CNDP1: variants seen among roughly 807,000 people sequenced by gnomAD.
CNDP1 encodes the protein beta-Ala-His dipeptidase.
Under a neutral mutation model 58.1 loss-of-function variants are expected in CNDP1, and 44 were observed. The observed-to-expected ratio is 0.76, with a 90% CI of 0.60 to 0.97. The LOEUF (loss-of-function observed/expected upper bound fraction) is 0.97, where lower values mean the gene tolerates loss of function less well. CNDP1 is among the 50% of genes least tolerant of loss of function. The pLI, the probability that CNDP1 is intolerant of heterozygous loss-of-function variation, is 0.00. For synonymous variants in CNDP1, 254 were observed against 252.6 expected (o/e 1.01, Z -0.05); for missense variants, 616 against 655.1 (o/e 0.94, Z 0.65).
At chr18:74,552,778 C>CT (rs1253055425) in intron 1 of CNDP1, among the ~76,000 whole-genome samples, 1 of 152,208 alleles carries the variant, frequency 6.6e-6, no homozygotes, top group Non-Finnish European at 1.5e-5. Flanking sequence ...TATGTTTTCA[C>CT]TTGTCTTGGA....
intron 7 of CNDP1, chr18:74,576,656 G>A: frequency 4.4e-6 from 2 of 452,140 alleles, no homozygotes; most frequent in Non-Finnish European, 3.9e-6. Flanking sequence ...CACTAAAGCA[G>A]GGCGGACTCC....
At position 74,580,181 on chromosome 18, in the gene CNDP1, A is replaced by T; in HGVS notation, c.1219A>T (p.Met407Leu). Residue 407 changes from methionine (M) to leucine (L), a missense_variant, in exon 10 of 12, where the codon ATG (methionine) becomes TTG (leucine). Physicochemically the swap from Met to Leu is conservative, Grantham distance 15. Coordinates refer to ENST00000358821, the MANE Select transcript of CNDP1 (RefSeq NM_032649.6). Reference sequence around the variant, plus strand: ...CTCCAAAAGAAATAGTTCCAACAAGATGGTTGTTTCCATGACTCTAGGACT... The same window carrying T: ...CTCCAAAAGAAATAGTTCCAACAAGTTGGTTGTTTCCATGACTCTAGGACT... ...VFSKRNSSNK[M>L]VVSMTLGLHP... is the part of the protein sequence containing the mutation. 1 of 1,614,048 alleles carries T rather than the reference A, an allele frequency of 6.2e-7. No individual in the cohort carries two copies. Among genetic ancestry groups the T allele is most frequent in the Non-Finnish European group, 8.5e-7 (1 of 1,179,898 alleles).
chr18:74,564,024 CAT>C (rs542167594), intron 5 of CNDP1, among the ~76,000 whole-genome samples: 95 of 152,340 alleles, frequency 6.2e-4, no homozygotes, highest in African/African-American at 2.0e-3. Context: ...CAAGGGATAA[CAT>C]AGGAACAAAT....
At chr18:74,569,706 T>C (rs1981422407) in intron 6 of CNDP1, among the ~76,000 whole-genome samples, 2 of 152,270 alleles carry the variant, frequency 1.3e-5, no homozygotes, top group South Asian at 4.1e-4. Context: ...ATGGGCTCCA[T>C]GGAGTTCCCA....
intron 5 of CNDP1, among the ~76,000 whole-genome samples, chr18:74,563,353 T>C (rs1031071724): frequency 6.6e-6 from 1 of 152,168 alleles, no homozygotes; most frequent in Non-Finnish European, 1.5e-5. Flanking sequence ...TCTCCCTCTC[T>C]CCTTTCTTTC....
intron 5 of CNDP1, among the ~76,000 whole-genome samples, chr18:74,566,988 G>A (rs1981344169): frequency 6.6e-6 from 1 of 152,228 alleles, no homozygotes; most frequent in Non-Finnish European, 1.5e-5. Flanking sequence ...CTTCTTAGGT[G>A]GTGGCAGCAA....
Position 74,547,362 on chromosome 18 carries a change from G to C in CNDP1, c.25-8976G>C, listed in dbSNP as rs117947183. Among the ~76,000 whole-genome samples, 1,262 of 152,306 alleles carry C rather than the reference G, an allele frequency of 8.3e-3. 12 individuals are homozygous for C. The highest frequency in any genetic ancestry group is 0.014 in the Non-Finnish European group (947 of 68,018). ...CCCTGAACAAGGGTCTGGCTGATTG[G>C]CCATTGTATGGACACCAAGGACCCA... On this transcript the variant is annotated intron_variant, in intron 1 of 11. Coordinates refer to ENST00000358821, the MANE Select transcript of CNDP1 (RefSeq NM_032649.6).
At position 74,584,236 on chromosome 18, in the gene CNDP1, TC is replaced by T. The variant is rs1981858917; in HGVS notation, c.1458-258del. ...AACAAGAAATTGTTTGACCCTGATATCCATATCAGTGATAAGAAATCAAGGA... is the reference window on the plus strand; with the variant it reads ...AACAAGAAATTGTTTGACCCTGATATCATATCAGTGATAAGAAATCAAGGA... On this transcript the variant is annotated intron_variant, in intron 11 of 11. Transcript: ENST00000358821. 1.5e-5 allele frequency: 7 copies of T among 477,426 alleles called. No homozygotes were observed. The South Asian group carries it at 1.5e-4, about 10-fold the overall frequency. 29.6% of individuals were successfully genotyped at this position (477,426 alleles called of 1,614,324 possible). A position where few individuals can be genotyped will look rare whatever the true frequency, so the allele number is the denominator to read the frequency against.
intron 1 of CNDP1, 85 bp from the exon 2 acceptor site, chr18:74,556,253 A>C: frequency 1.4e-6 from 2 of 1,471,830 alleles, no homozygotes; most frequent in South Asian, 2.6e-5. Flanking sequence ...GTGAGGTAAC[A>C]GACCTTCTTG....
Position 74,586,190 on chromosome 18 carries a change from A to C in CNDP1, c.*1628A>C, listed in dbSNP as rs1981910653. 1 of 152,084 alleles carries C rather than the reference A, an allele frequency of 6.6e-6. No individual in the cohort carries two copies. Among genetic ancestry groups the C allele is most frequent in the Non-Finnish European group, 1.5e-5 (1 of 68,014 alleles). The allele number at this position is 152,084 out of a possible 1,614,324, so 9.4% of individuals were successfully genotyped here. ...GTGGACCCAACTGAGAGCTCAACCT[A>C]GTTGTGGGCATTTGTGAAGGATTCC... On this transcript the variant is annotated 3_prime_UTR_variant, in exon 12 of 12. Coordinates refer to ENST00000358821, the MANE Select transcript of CNDP1 (RefSeq NM_032649.6).
chr18:74,554,199 T>C (rs1599090784), intron 1 of CNDP1, among the ~76,000 whole-genome samples: 2 of 152,308 alleles, frequency 1.3e-5, no homozygotes, highest in South Asian at 2.1e-4. Flanking sequence ...CTCTGCCACT[T>C]TGTTTTGTGA....
chr18:74,552,584 C>T (rs776265188), intron 1 of CNDP1, among the ~76,000 whole-genome samples: 2 of 152,174 alleles, frequency 1.3e-5, no homozygotes, highest in Admixed American at 6.5e-5. Context: ...GTAGCATGTA[C>T]CAGTACTTCA....
chr18:74,555,353 A>C lies in CNDP1; in HGVS notation c.25-985A>C, dbSNP rs559163984. Among the ~76,000 whole-genome samples the C allele has an allele frequency of 3.3e-5, 5 of 152,220 alleles. No homozygotes were observed. The South Asian group carries it at 1.0e-3, about 32-fold the overall frequency. ...CGTAGGCGGTCTGACCAAGGGCTGC[A>C]GCCCCCTTGGCCCTTCCCAGCCCTC... is the stretch of plus-strand genomic sequence containing the variant. On this transcript the variant is annotated intron_variant, in intron 1 of 11. Coordinates refer to ENST00000358821, the MANE Select transcript of CNDP1 (RefSeq NM_032649.6).
intron 1 of CNDP1, among the ~76,000 whole-genome samples, chr18:74,541,038 G>A (rs1298059010): frequency 6.6e-6 from 1 of 152,218 alleles, no homozygotes; most frequent in Non-Finnish European, 1.5e-5. Context: ...ACACCCACTA[G>A]CGGCGTTCTG....
At position 74,584,530 on chromosome 18, in the gene CNDP1, G is replaced by T. The variant is rs770642982; in HGVS notation, c.1492G>T (p.Ala498Ser). The T allele has an allele frequency of 3.0e-5, 49 of 1,613,746 alleles. No homozygotes were observed. Among genetic ancestry groups the T allele is most frequent in the Non-Finnish European group, 4.0e-5 (47 of 1,179,800 alleles). The change falls in exon 12 of 12, where the codon GCC becomes TCC. Residue 498 changes from alanine (A) to serine (S), a missense_variant. Physicochemically the swap from Ala to Ser is moderately conservative, Grantham distance 99 (BLOSUM62 1). Transcript: ENST00000358821. ...NYIEGTKLFA[A>S]FFLEMAQLH ...CATAGAGGGAACCAAATTATTTGCTGCCTTTTTCTTAGAGATGGCCCAGCT... is the reference window on the plus strand; with the variant it reads ...CATAGAGGGAACCAAATTATTTGCTTCCTTTTTCTTAGAGATGGCCCAGCT...
chr18:74,576,845 T>C, intron 7 of CNDP1, 24 bp from the exon 8 acceptor site: 1 of 1,592,748 alleles, frequency 6.3e-7, no homozygotes, highest in Non-Finnish European at 8.5e-7. Context: ...CTACCTGGCT[T>C]TGTTTTCTGT....
rs1164405788 is a variant in CNDP1 at position 74,560,978 on chromosome 18, T to A, written c.426T>A (p.Asp142Glu). The A allele has an allele frequency of 6.2e-7, 1 of 1,614,010 alleles. No individual in the cohort carries two copies. Among genetic ancestry groups the A allele is most frequent in the African/African-American group, 1.3e-5 (1 of 74,938 alleles). The change falls in exon 4 of 12, where the codon GAT becomes GAA. Residue 142 changes from aspartate (D) to glutamate (E), a missense_variant. By Grantham distance (45) the Asp-to-Glu change is conservative (BLOSUM62 2). Transcript: ENST00000358821. ...HLDVQPADRG[D>E]GWLTDPYVLT... ...ACGTGCAGCCTGCTGACCGGGGCGATGGGTGGCTCACGGACCCCTATGTGC... is the reference window on the plus strand; with the variant it reads ...ACGTGCAGCCTGCTGACCGGGGCGAAGGGTGGCTCACGGACCCCTATGTGC...
intron 2 of CNDP1, among the ~76,000 whole-genome samples, chr18:74,556,920 T>C (rs1981058369): frequency 6.6e-6 from 1 of 152,198 alleles, no homozygotes; most frequent in African/African-American, 2.4e-5. Context: ...TCATTCAATT[T>C]ATTTATTTGT....
At position 74,587,067 on chromosome 18, in the gene CNDP1, G is replaced by A. The variant is rs1452914979; in HGVS notation, c.*2505G>A. 1 of 152,234 alleles carries A rather than the reference G, an allele frequency of 6.6e-6. No individual in the cohort carries two copies. Among genetic ancestry groups the A allele is most frequent in the Admixed American group, 6.5e-5 (1 of 15,292 alleles). The allele number at this position is 152,234 out of a possible 1,614,324, so 9.4% of individuals were successfully genotyped here. On this transcript the variant is annotated 3_prime_UTR_variant, in exon 12 of 12. Transcript: ENST00000358821. The stretch of plus-strand genomic sequence containing the variant: ...GTATCTGGCTTTGTTAGTAGACGTA[G>A]CGCATTAAAGCGTAACTATTGTGAT...
Sources: gnomAD v4.1 joint callset for allele counts (sites outside exome capture counted in the v4.1 genomes callset) on GRCh38, gnomAD v4.1.1 for gene constraint, MANE v1.5 for transcripts, NCBI Gene and HGNC (gene_info 2026-07-23, HGNC 2026-07-21) for gene names.